The following MNAT1 variants were observed in gnomAD, a reference collection of about 807,000 sequenced individuals.
MNAT1 encodes CDK-activating kinase assembly factor MAT1.
In MNAT1, 43 loss-of-function variants were observed where a neutral mutation model predicts 42.0. The ratio of observed to expected loss-of-function variants is 1.02; its 90% confidence interval spans 0.80 to 1.32. MNAT1 has a LOEUF of 1.32. Ranked by LOEUF, MNAT1 falls within the 40% of genes most tolerant of loss-of-function variation. MNAT1 has a pLI of 0.00. For synonymous variants in MNAT1, 118 were observed against 120.0 expected (o/e 0.98, Z 0.11); for missense variants, 306 against 350.4 (o/e 0.87, Z 1.01).
intron 1 of MNAT1, among the ~76,000 whole-genome samples, chr14:60,793,805 A>G (rs1237698572): frequency 6.6e-6 from 1 of 152,210 alleles, no homozygotes; most frequent in African/African-American, 2.4e-5. Context: ...ACAATGAAGT[A>G]GAACTTTGAG....
chr14:60,859,886 G>A (rs980244068), intron 6 of MNAT1, among the ~76,000 whole-genome samples: 1 of 152,120 alleles, frequency 6.6e-6, no homozygotes, highest in African/African-American at 2.4e-5. Context: ...AATATATAAC[G>A]CCTGGGAAAG....
rs558724379 is a variant in MNAT1, at chr14:60,801,496, C to A, written c.316+3336C>A. Among the ~76,000 whole-genome samples the A allele has an allele frequency of 2.6e-5, 4 of 152,130 alleles. No individual in the cohort carries two copies. In the East Asian group the frequency reaches 7.7e-4, roughly 29 times the overall value. On this transcript the variant is annotated intron_variant, in intron 3 of 7. Coordinates refer to ENST00000261245, the MANE Select transcript of MNAT1 (RefSeq NM_002431.4). ...ATATATAAGGAAGTCAACTCAGTAG[C>A]AAGAAAATACTTGATTAGAAAATGG...
At chr14:60,850,857 T>G (rs577933814) in intron 6 of MNAT1, among the ~76,000 whole-genome samples, 5 of 152,322 alleles carry the variant, frequency 3.3e-5, no homozygotes, top group African/African-American at 1.2e-4. Context: ...AATCTGGATG[T>G]AGAATCTGCC....
chr14:60,813,310 C>T (rs997051470), intron 5 of MNAT1, among the ~76,000 whole-genome samples: 2 of 152,140 alleles, frequency 1.3e-5, no homozygotes, highest in African/African-American at 4.8e-5. Context: ...GCTAGATCTG[C>T]GCTGACTCAC....
chr14:60,957,220 G>A (rs76446113), intron 7 of MNAT1, among the ~76,000 whole-genome samples: 114 of 151,824 alleles, frequency 7.5e-4, no homozygotes, highest in African/African-American at 2.6e-3. Context: ...TTATAGTTAC[G>A]CTAGTCATAC....
At chr14:60,748,512 T>A (rs571815295) in intron 1 of MNAT1, among the ~76,000 whole-genome samples, 1 of 152,362 alleles carries the variant, frequency 6.6e-6, no homozygotes, top group African/African-American at 2.4e-5. Context: ...ATTGCAGGCG[T>A]GAGCCACTAC....
intron 6 of MNAT1, among the ~76,000 whole-genome samples, chr14:60,861,624 G>GA (rs2034097276): frequency 6.6e-6 from 1 of 152,042 alleles, no homozygotes; most frequent in South Asian, 2.1e-4. Flanking sequence ...TGCTATTAAT[G>GA]AAAAAATTAG....
intron 7 of MNAT1, among the ~76,000 whole-genome samples, chr14:60,964,585 C>G (rs1051699808): frequency 6.6e-6 from 1 of 152,088 alleles, no homozygotes; most frequent in African/African-American, 2.4e-5. Context: ...TAAAATAAAC[C>G]CATGAAAAAC....
intron 7 of MNAT1, among the ~76,000 whole-genome samples, chr14:60,964,824 G>T (rs935928929): frequency 6.6e-6 from 1 of 152,190 alleles, no homozygotes; most frequent in Non-Finnish European, 1.5e-5. Flanking sequence ...GTGGATTAAG[G>T]TAGAAAAGTA....
Position 60,818,768 on chromosome 14 carries a change from A to G in MNAT1, c.608A>G (p.Asp203Gly). The change falls in exon 6 of 8, where the codon GAT becomes GGT. Residue 203 changes from aspartate to glycine, a missense_variant. By Grantham distance (94) the Asp-to-Gly change is moderately conservative (BLOSUM62 -1). Coordinates refer to ENST00000261245, the MANE Select transcript of MNAT1 (RefSeq NM_002431.4). ...PVALLLAQHK[D>G]RSTQLEMQLE... ...GCTCTGCTTTTGGCTCAGCATAAAG[A>G]TAGATCTACCCAATTAGAAATGCAA... 6.2e-7 allele frequency: 1 copy of G among 1,612,676 alleles called. No individual in the cohort carries two copies. Among genetic ancestry groups the G allele is most frequent in the Non-Finnish European group, 8.5e-7 (1 of 1,179,034 alleles).
intron 1 of MNAT1, among the ~76,000 whole-genome samples, chr14:60,741,019 A>T (rs1380016701): frequency 2.6e-5 from 4 of 152,240 alleles, no homozygotes; most frequent in South Asian, 4.1e-4. Flanking sequence ...TACTTTATGC[A>T]TTTTGGAACT....
chr14:60,797,845 G>A (rs1190051906), intron 2 of MNAT1, among the ~76,000 whole-genome samples: 1 of 152,118 alleles, frequency 6.6e-6, no homozygotes, highest in Non-Finnish European at 1.5e-5. Flanking sequence ...CAGCAGAATT[G>A]CTTGAACCAG....
At chr14:60,797,981 C>G in intron 2 of MNAT1, 106 bp from the exon 3 acceptor site, 1 of 579,896 alleles carries the variant, frequency 1.7e-6, no homozygotes. Flanking sequence ...GTAAGCAATT[C>G]TTTTCCATGT....
chr14:60,878,570 A>T (rs1296684479), intron 6 of MNAT1, among the ~76,000 whole-genome samples: 3 of 152,128 alleles, frequency 2.0e-5, no homozygotes, highest in Non-Finnish European at 4.4e-5. Context: ...CTAAAGCTTT[A>T]GCTAACTTTC....
intron 1 of MNAT1, among the ~76,000 whole-genome samples, chr14:60,735,845 A>C (rs1437773627): frequency 1.3e-5 from 2 of 152,254 alleles, no homozygotes; most frequent in Non-Finnish European, 2.9e-5. Flanking sequence ...TGAGATAAAA[A>C]GGTGCCATGT....
chr14:60,748,881 A>T (rs1215033950), intron 1 of MNAT1, among the ~76,000 whole-genome samples: 2 of 152,188 alleles, frequency 1.3e-5, no homozygotes, highest in Non-Finnish European at 2.9e-5. Context: ...TATTATCATT[A>T]TTAACTATTA....
intron 6 of MNAT1, among the ~76,000 whole-genome samples, chr14:60,875,310 G>T (rs1029661468): frequency 6.6e-6 from 1 of 152,062 alleles, no homozygotes; most frequent in African/African-American, 2.4e-5. Flanking sequence ...ACACTGGGCA[G>T]TAATTGAGAG....
chr14:60,934,411 G>A (rs2035948949), intron 7 of MNAT1, among the ~76,000 whole-genome samples: 1 of 152,162 alleles, frequency 6.6e-6, no homozygotes, highest in Admixed American at 6.6e-5. Flanking sequence ...TGGTTTGGCT[G>A]TGTCCGCACC....
chr14:60,761,990 C>T (rs547560232), intron 1 of MNAT1, among the ~76,000 whole-genome samples: 7 of 152,278 alleles, frequency 4.6e-5, no homozygotes, highest in Non-Finnish European at 5.9e-5. Context: ...TGAACTGGTA[C>T]GTTCTAATTC....
Sources: allele counts gnomAD v4.1 joint callset (sites outside exome capture counted in the v4.1 genomes callset), GRCh38; gene constraint gnomAD v4.1.1; transcripts MANE v1.5; gene names NCBI Gene and HGNC (gene_info 2026-07-23, HGNC 2026-07-21).